The following GRAMD1B variants were observed in gnomAD, a reference collection of about 807,000 sequenced individuals.
The protein encoded by GRAMD1B is protein Aster-B.
In GRAMD1B, 37 loss-of-function variants were observed where a neutral mutation model predicts 99.7. The observed-to-expected ratio is 0.37, with a 90% CI of 0.29 to 0.49. The LOEUF is 0.49. Ranked by LOEUF, GRAMD1B falls within the 20% of genes least tolerant of loss-of-function variation. The pLI is 0.98. For missense variants in GRAMD1B, 888 were observed against 1,009.2 expected (o/e 0.88, Z 1.63); for synonymous variants, 427 against 387.6 (o/e 1.10, Z -1.19).
intron 2 of GRAMD1B, among the ~76,000 whole-genome samples, chr11:123,544,985 C>A (rs1235141240): frequency 6.6e-6 from 1 of 152,208 alleles, no homozygotes; most frequent in Non-Finnish European, 1.5e-5. Flanking sequence ...CTGTTACCAA[C>A]TGCCTGTCTC....
chr11:123,486,554 G>GA (rs770942713), intron 2 of GRAMD1B, among the ~76,000 whole-genome samples: 33,094 of 102,064 alleles, frequency 0.32, 4,952 homozygotes, highest in East Asian at 0.56. Flanking sequence ...TCTCAAAAAA[G>GA]AAAAAAAAAA....
intron 2 of GRAMD1B, among the ~76,000 whole-genome samples, chr11:123,546,240 T>C (rs1288374573): frequency 6.6e-6 from 1 of 152,148 alleles, no homozygotes; most frequent in Admixed American, 6.5e-5. Context: ...CAGAAGTGTC[T>C]GTGGGGGATC....
chr11:123,486,831 A>G (rs1937861483), intron 2 of GRAMD1B, among the ~76,000 whole-genome samples: 1 of 152,230 alleles, frequency 6.6e-6, no homozygotes, highest in South Asian at 2.1e-4. Context: ...GCAATCGGGG[A>G]AGCCGATGGG....
At chr11:123,523,244 A>G (rs544954604) in intron 2 of GRAMD1B, among the ~76,000 whole-genome samples, 1 of 152,280 alleles carries the variant, frequency 6.6e-6, no homozygotes, top group African/African-American at 2.4e-5. Context: ...AGGCAGGAGA[A>G]TTGCTTGAAC....
chr11:123,566,042 C>G (rs982471809), intron 2 of GRAMD1B, among the ~76,000 whole-genome samples: 1 of 152,148 alleles, frequency 6.6e-6, no homozygotes, highest in Non-Finnish European at 1.5e-5. Flanking sequence ...AATTTAGGAA[C>G]AGGATTCAGT....
Position 123,451,186 on chromosome 11 carries a change from A to G in GRAMD1B, c.374+20020A>G, listed in dbSNP as rs537891285. ...CCTTTTCAAAACAATTTACCAGGCC[A>G]TGGGCTCTCCCACGGAAGGGACAGG... On this transcript the variant is annotated intron_variant, in intron 1 of 19. Transcript: ENST00000635736. Among the ~76,000 whole-genome samples, 9 of 152,302 alleles carry G rather than the reference A, an allele frequency of 5.9e-5. No homozygotes were observed. In the South Asian group the frequency reaches 6.2e-4, roughly 11 times the overall value.
At chr11:123,513,578 T>TTCCTTTCCTTCCTTCCTTCCTTCC (rs1555050112) in intron 2 of GRAMD1B, among the ~76,000 whole-genome samples, 5 of 41,670 alleles carry the variant, frequency 1.2e-4, no homozygotes, top group Admixed American at 2.9e-4. Context: ...CCTTCCTTCC[T>TTCCTTTCCTTCCTTCCTTCCTTCC]TTCCTTCCTT....
At chr11:123,401,338 T>A (rs1001551892) in intron 1 of GRAMD1B, among the ~76,000 whole-genome samples, 1 of 152,190 alleles carries the variant, frequency 6.6e-6, no homozygotes, top group Non-Finnish European at 1.5e-5. Flanking sequence ...TCCTGGCATG[T>A]GTTGTGCTCC....
rs148843695 is a variant in GRAMD1B at position 123,523,069 on chromosome 11, T to C, written c.452+42176T>C. Among the ~76,000 whole-genome samples the C allele has an allele frequency of 5.9e-3, 893 of 152,300 alleles. 8 individuals are homozygous for C. The highest frequency in any genetic ancestry group is 0.019 in the African/African-American group (789 of 41,586). On this transcript the variant is annotated intron_variant, in intron 2 of 19. Coordinates refer to ENST00000635736, the MANE Select transcript of GRAMD1B (RefSeq NM_001387025.1). ...CAGTTAGGCTGGGCGCGGTGGCTCATGCCTGTAATCCCAATACTTTGGGAG... is the reference window on the plus strand; with the variant it reads ...CAGTTAGGCTGGGCGCGGTGGCTCACGCCTGTAATCCCAATACTTTGGGAG...
intron 1 of GRAMD1B, among the ~76,000 whole-genome samples, chr11:123,461,967 C>A (rs117586918): frequency 5.7e-5 from 7 of 122,296 alleles, no homozygotes; most frequent in African/African-American, 1.8e-4. Context: ...TTGTTTATTT[C>A]TTTTTTTTTT....
At chr11:123,581,110 C>T (rs1949312762) in intron 3 of GRAMD1B, among the ~76,000 whole-genome samples, 1 of 152,042 alleles carries the variant, frequency 6.6e-6, no homozygotes, top group Non-Finnish European at 1.5e-5. Context: ...TTCTGGAAAC[C>T]ACCTCCCAGT....
intron 1 of GRAMD1B, among the ~76,000 whole-genome samples, chr11:123,406,382 T>A (rs1244527583): frequency 2.6e-5 from 4 of 151,956 alleles, no homozygotes; most frequent in Non-Finnish European, 4.4e-5. Flanking sequence ...GCCTCCCGAG[T>A]AGCTGGGACT....
intron 1 of GRAMD1B, among the ~76,000 whole-genome samples, chr11:123,445,530 CTG>C (rs1297118371): frequency 6.6e-6 from 1 of 151,882 alleles, no homozygotes; most frequent in African/African-American, 2.4e-5. Context: ...AAAAAAGACT[CTG>C]GGGCCTGGCG....
chr11:123,574,079 A>T (rs1156743119), intron 2 of GRAMD1B, among the ~76,000 whole-genome samples: 2 of 150,578 alleles, frequency 1.3e-5, no homozygotes, highest in Non-Finnish European at 1.5e-5. Context: ...ACAGAATTAA[A>T]AAAAAAAAAA....
At chr11:123,574,027 T>C (rs1948444305) in intron 2 of GRAMD1B, among the ~76,000 whole-genome samples, 1 of 151,450 alleles carries the variant, frequency 6.6e-6, no homozygotes, top group Admixed American at 6.6e-5. Context: ...TTAGAAAAGC[T>C]TTTTGGAGCA....
chr11:123,618,969 G>A (rs996869291), intron 18 of GRAMD1B, 138 bp from the exon 19 acceptor site: 4 of 684,178 alleles, frequency 5.8e-6, no homozygotes, highest in Non-Finnish European at 1.0e-5. Flanking sequence ...TCTGATCTGG[G>A]GCACAGGGGA....
At chr11:123,388,113 C>T (rs115973707) in intron 1 of GRAMD1B, among the ~76,000 whole-genome samples, 5,694 of 121,770 alleles carry the variant, frequency 0.047, 147 homozygotes, top group African/African-American at 0.074. Flanking sequence ...GCGACAAAAG[C>T]GAGACTCCTC....
intron 2 of GRAMD1B, among the ~76,000 whole-genome samples, chr11:123,571,025 G>T (rs1331891257): frequency 1.3e-5 from 2 of 152,228 alleles, no homozygotes; most frequent in Admixed American, 6.5e-5. Context: ...GCAGCCAGGC[G>T]CACTGCAGAG....
chr11:123,600,086 G>A (rs1951764275), intron 7 of GRAMD1B, among the ~76,000 whole-genome samples: 1 of 152,156 alleles, frequency 6.6e-6, no homozygotes, highest in Non-Finnish European at 1.5e-5. Flanking sequence ...AATGAAATAG[G>A]TCGGCAGATT....
Sources: gnomAD v4.1 joint callset for allele counts (sites outside exome capture counted in the v4.1 genomes callset) on GRCh38, gnomAD v4.1.1 for gene constraint, MANE v1.5 for transcripts, NCBI Gene and HGNC (gene_info 2026-07-23, HGNC 2026-07-21) for gene names.